Variants in CACNA1C observed in about 807,000 individuals in gnomAD.
CACNA1C encodes the protein calcium voltage-gated channel subunit alpha1 C.
A neutral mutation model predicts 229.0 loss-of-function variants in CACNA1C; 30 were observed. The ratio of observed to expected loss-of-function variants is 0.13; its 90% confidence interval spans 0.10 to 0.18. The LOEUF is 0.18. CACNA1C is among the 10% of genes least tolerant of loss of function. The probability of loss-of-function intolerance (pLI) is 1.00; values close to 1 mark genes in which losing one functional copy is unlikely to be tolerated. For synonymous variants in CACNA1C, 1,114 were observed against 1,132.5 expected, an observed-to-expected ratio of 0.98 and a Z score of 0.33; for missense variants, 1,658 against 2,845.0, an observed-to-expected ratio of 0.58 and a Z score of 9.49.
At chr12:2,254,668 A>G (rs1388189732) in intron 3 of CACNA1C, among the ~76,000 whole-genome samples, 4 of 152,198 alleles carry the variant, frequency 2.6e-5, no homozygotes, top group African/African-American at 4.8e-5. Context: ...AGGGAAAAGA[A>G]AAAAGCCACT....
intron 1 of CACNA1C, among the ~76,000 whole-genome samples, chr12:2,006,447 T>G (rs1003314712): frequency 1.3e-5 from 2 of 152,136 alleles, no homozygotes; most frequent in Non-Finnish European, 2.9e-5. Context: ...AAAATAATTT[T>G]TAAGAGTGTA....
intron 3 of CACNA1C, among the ~76,000 whole-genome samples, chr12:2,250,060 G>C (rs1394171248): frequency 2.6e-5 from 4 of 151,940 alleles, no homozygotes; most frequent in Non-Finnish European, 5.9e-5. Context: ...CACCTGCCTC[G>C]GCCTCCCAGA....
At chr12:2,367,058 T>C (rs1485722705) in intron 3 of CACNA1C, among the ~76,000 whole-genome samples, 1 of 151,962 alleles carries the variant, frequency 6.6e-6, no homozygotes, top group Non-Finnish European at 1.5e-5. Flanking sequence ...TGAGATGAGA[T>C]TTGGGTGGGT....
intron 4 of CACNA1C, among the ~76,000 whole-genome samples, chr12:2,456,937 G>A (rs553646789): frequency 5.3e-5 from 8 of 152,374 alleles, no homozygotes; most frequent in African/African-American, 1.9e-4. Flanking sequence ...TGTTGGAGGA[G>A]TGAATATGCC....
chr12:2,065,458 T>G (rs978231850), intron 1 of CACNA1C, among the ~76,000 whole-genome samples: 2 of 152,228 alleles, frequency 1.3e-5, no homozygotes, highest in African/African-American at 4.8e-5. Flanking sequence ...AAAAAGTTAT[T>G]GAGCGTCTGC....
At chr12:2,023,805 G>T (rs2046869109) in intron 1 of CACNA1C, among the ~76,000 whole-genome samples, 1 of 152,064 alleles carries the variant, frequency 6.6e-6, no homozygotes, top group Admixed American at 6.5e-5. Context: ...TAACATGGAA[G>T]AATGCATAGC....
chr12:2,598,767 C>T (rs1263851211), intron 21 of CACNA1C, among the ~76,000 whole-genome samples: 1 of 152,208 alleles, frequency 6.6e-6, no homozygotes, highest in Non-Finnish European at 1.5e-5. Flanking sequence ...TTGAATGGGG[C>T]AGTTTTTATG....
chr12:1,992,591 C>G (rs1391381148), intron 1 of CACNA1C: 1 of 155,538 alleles, frequency 6.4e-6, no homozygotes, highest in Admixed American at 6.3e-5. Flanking sequence ...GGCATATTTT[C>G]AGCAATCTTC....
At chr12:2,523,573 A>G (rs552766530) in intron 9 of CACNA1C, among the ~76,000 whole-genome samples, 2 of 150,388 alleles carry the variant, frequency 1.3e-5, no homozygotes, top group South Asian at 2.1e-4. Flanking sequence ...CCTCAGCACT[A>G]TGGGGCCCCG....
At chr12:2,606,578 A>G (rs2075466586) in intron 24 of CACNA1C, 33 bp from the exon 25 acceptor site, 3 of 1,569,034 alleles carry the variant, frequency 1.9e-6, no homozygotes, top group Non-Finnish European at 2.6e-6. Context: ...TTGATTACTG[A>G]ACATCTCTGA....
At chr12:2,673,669 T>G (rs1266907533) in intron 38 of CACNA1C, among the ~76,000 whole-genome samples, 4 of 152,190 alleles carry the variant, frequency 2.6e-5, no homozygotes, top group Non-Finnish European at 4.4e-5. Context: ...ACTTTCCTGC[T>G]GGCTGACAGC....
In CACNA1C at chr12:2,651,535, G is replaced by GC; in HGVS notation, c.3946-103dup. On this transcript the variant is annotated intron_variant, in intron 31 of 46. Coordinates refer to ENST00000399655, the MANE Select transcript of CACNA1C (RefSeq NM_000719.7). The surrounding 1 kb of genome is among the most constrained non-coding windows in gnomAD (Gnocchi z 5.4). ...AGTCTAGTGCAGCAAACCCTGGCCTGCCTTCCGCCACTGCCACTGAGGTCT... is the reference window on the plus strand; with the variant it reads ...AGTCTAGTGCAGCAAACCCTGGCCTGCCCTTCCGCCACTGCCACTGAGGTCT... 1 of 1,571,798 alleles carries GC rather than the reference G, an allele frequency of 6.4e-7. No homozygotes were observed. Among genetic ancestry groups the GC allele is most frequent in the South Asian group, 1.1e-5 (1 of 89,712 alleles).
At chr12:2,365,299 C>T (rs772146756) in intron 3 of CACNA1C, among the ~76,000 whole-genome samples, 42 of 152,116 alleles carry the variant, frequency 2.8e-4, no homozygotes, top group African/African-American at 7.2e-4. Flanking sequence ...CAAAAGAAAT[C>T]GGTAATTTTA....
At chr12:2,511,816 A>C (rs995083922) in intron 8 of CACNA1C, among the ~76,000 whole-genome samples, 1 of 152,130 alleles carries the variant, frequency 6.6e-6, no homozygotes, top group Non-Finnish European at 1.5e-5. Flanking sequence ...GAAAAGAAAT[A>C]GTTATTGTGT....
rs1392998394 is a variant in CACNA1C, at chr12:2,566,363, G to A, written c.1509-59G>A. 2 of 1,464,548 alleles carry A rather than the reference G, an allele frequency of 1.4e-6. No homozygotes were observed. The highest frequency in any genetic ancestry group is 1.8e-6 in the Non-Finnish European group (2 of 1,082,442). The allele number at this position is 1,464,548 out of a possible 1,614,324, so 90.7% of individuals were successfully genotyped here. ...GAAGAGCCATGGTGCTGCATCTTGG[G>A]TTGGAGGAAACCTGAATTCACAGCC... On this transcript the variant is annotated intron_variant, in intron 11 of 46. Transcript: ENST00000399655. This position sits in a 1 kb window ranked among gnomAD's most constrained non-coding sequence, Gnocchi z 4.0.
At chr12:2,682,477 A>G in intron 42 of CACNA1C, 73 bp from the exon 43 acceptor site, 1 of 1,561,532 alleles carries the variant, frequency 6.4e-7, no homozygotes, top group Non-Finnish European at 8.7e-7. Context: ...TGCGTGTGTG[A>G]TGCTTTACTT....
chr12:2,583,725 A>G (rs2061421706), intron 15 of CACNA1C, among the ~76,000 whole-genome samples: 1 of 152,178 alleles, frequency 6.6e-6, no homozygotes, highest in African/African-American at 2.4e-5. Context: ...AGAACCTACT[A>G]CATAAAGGGT....
intron 3 of CACNA1C, among the ~76,000 whole-genome samples, chr12:2,330,458 G>A (rs61000845): frequency 0.089 from 13,570 of 152,256 alleles, 1,804 homozygotes; most frequent in African/African-American, 0.29. Context: ...GCATTTAAGT[G>A]TTTTGACTCC....
At chr12:2,086,322 C>T (rs1595465478) in intron 1 of CACNA1C, among the ~76,000 whole-genome samples, 2 of 152,370 alleles carry the variant, frequency 1.3e-5, no homozygotes, top group Middle Eastern at 3.4e-3. Context: ...TTTAGCATTA[C>T]TCTATGATTC....
Sources: allele counts gnomAD v4.1 joint callset (sites outside exome capture counted in the v4.1 genomes callset), GRCh38; gene constraint gnomAD v4.1.1; non-coding constraint Gnocchi (gnomAD v3.1); transcripts MANE v1.5; gene names NCBI Gene and HGNC (gene_info 2026-07-23, HGNC 2026-07-21).